The following DNAH5 variants were observed in gnomAD, a reference collection of about 807,000 sequenced individuals.
DNAH5 encodes the protein dynein axonemal heavy chain 5, also known as axonemal beta dynein heavy chain 5.
DNAH5 carries 372 observed loss-of-function variants against 518.2 expected under a neutral mutation model. The observed-to-expected ratio is 0.72, with a 90% CI of 0.66 to 0.78. DNAH5 has a LOEUF of 0.78. Ranked by LOEUF, DNAH5 falls within the 30% of genes least tolerant of loss-of-function variation. The pLI, the probability that DNAH5 is intolerant of heterozygous loss-of-function variation, is 0.00. For synonymous variants in DNAH5, 2,039 were observed against 2,025.9 expected (o/e 1.01, Z -0.17); for missense variants, 5,523 against 5,687.0 (o/e 0.97, Z 0.93).
Position 13,991,683 on chromosome 5 carries a change from G to A in DNAH5, c.12+19965C>T, listed in dbSNP as rs564081044. Among the ~76,000 whole-genome samples the A allele has an allele frequency of 7.2e-5, 11 of 152,208 alleles. No individual in the cohort carries two copies. In the East Asian group the frequency reaches 7.7e-4, roughly 11 times the overall value. ...GGAGTCATGGAGAAACGAGGGAGGC[G>A]TGAAGACAGAACAGAGGTGTGAGGG... On this transcript the variant is annotated intron_variant, in intron 1 of 78. Transcript: ENST00000681290.
At position 13,721,075 on chromosome 5, in the gene DNAH5, T is replaced by A; in HGVS notation, c.12204A>T (p.Ile4068=). The change falls in exon 71 of 79, where the codon ATA becomes ATT. Residue 4068 remains isoleucine (I), a synonymous_variant. Transcript: ENST00000265104. ...GGCCCATGGACACATAACGGGTTTC[T>A]ATTTTTAATCTCTTCCCCAAGGCAA... The part of the protein sequence containing the change: ...SIIALGKRLK[I]ETRYVSMGQG... The A allele has an allele frequency of 6.2e-7, 1 of 1,614,194 alleles. No individual in the cohort carries two copies.
chr5:13,990,921 T>G (rs749850565), intron 1 of DNAH5, among the ~76,000 whole-genome samples: 4 of 152,132 alleles, frequency 2.6e-5, no homozygotes, highest in Non-Finnish European at 5.9e-5. Context: ...CATTGAAATA[T>G]TTAACCCTAA....
intron 53 of DNAH5, among the ~76,000 whole-genome samples, chr5:13,778,478 AGAAG>A (rs146599533): frequency 0.37 from 32,239 of 87,096 alleles, 6,600 homozygotes; most frequent in South Asian, 0.49. Context: ...AAGGAAGGAA[AGAAG>A]GAAGGAAGGA....
intron 35 of DNAH5, among the ~76,000 whole-genome samples, chr5:13,838,613 C>T (rs915308970): frequency 6.6e-6 from 1 of 152,192 alleles, no homozygotes; most frequent in Admixed American, 6.5e-5. Context: ...CAGAAAAACA[C>T]ACTCGGGGCT....
At chr5:13,897,847 G>A (rs143674534) in intron 15 of DNAH5, 1 of 152,262 alleles carries the variant, frequency 6.6e-6, no homozygotes, top group African/African-American at 2.4e-5. Flanking sequence ...TTGAATCTGG[G>A]TAGGTTTACA....
intron 47 of DNAH5, among the ~76,000 whole-genome samples, chr5:13,800,070 G>A (rs2126952506): frequency 6.6e-6 from 1 of 152,240 alleles, no homozygotes. Flanking sequence ...AAAGCAGGAG[G>A]GTGCTGGGAG....
At chr5:13,991,491 G>A (rs1783536905) in intron 1 of DNAH5, among the ~76,000 whole-genome samples, 1 of 145,112 alleles carries the variant, frequency 6.9e-6, no homozygotes, top group South Asian at 2.4e-4. Flanking sequence ...GTGGAAGGAG[G>A]AGGAGGAACA....
intron 5 of DNAH5, among the ~76,000 whole-genome samples, chr5:13,921,009 C>T (rs1302347141): frequency 1.3e-5 from 2 of 152,012 alleles, no homozygotes; most frequent in Non-Finnish European, 2.9e-5. Flanking sequence ...AAAATGTTTG[C>T]TTTATTCATG....
Position 13,810,246 on chromosome 5 carries a change from C to A in DNAH5, c.7422G>T (p.Glu2474Asp). 1 of 1,550,574 alleles carries A rather than the reference C, an allele frequency of 6.4e-7. No individual in the cohort carries two copies. Among genetic ancestry groups the A allele is most frequent in the South Asian group, 1.2e-5 (1 of 84,096 alleles). ...GLIPLKEQGG[E>D]VSQAHLGRLF... ...GCCGCCCCAGGTGAGCCTGGCTCACCTCCCCGCCTTGCTCCTGAGAAGGAA... is the reference window on the plus strand; with the variant it reads ...GCCGCCCCAGGTGAGCCTGGCTCACATCCCCGCCTTGCTCCTGAGAAGGAA... The change falls in exon 45 of 79, where the codon GAG becomes GAT. Residue 2474 changes from glutamate (E) to aspartate (D), a missense_variant. By Grantham distance (45) the Glu-to-Asp change is conservative. Coordinates refer to ENST00000265104, the MANE Select transcript of DNAH5 (RefSeq NM_001369.3).
chr5:13,800,067 G>A (rs1309749534), intron 47 of DNAH5, among the ~76,000 whole-genome samples: 2 of 152,176 alleles, frequency 1.3e-5, no homozygotes, highest in South Asian at 4.1e-4. Flanking sequence ...ATGAAAGCAG[G>A]AGGGTGCTGG....
chr5:13,911,118 T>C (rs1217845788), intron 12 of DNAH5, among the ~76,000 whole-genome samples: 1 of 152,224 alleles, frequency 6.6e-6, no homozygotes, highest in East Asian at 1.9e-4. Context: ...CAACAGAAGA[T>C]GAAAGTTAAC....
chr5:13,797,201 G>A (rs778847016), intron 47 of DNAH5, among the ~76,000 whole-genome samples: 119 of 152,188 alleles, frequency 7.8e-4, no homozygotes, highest in Non-Finnish European at 1.2e-3. Context: ...ATAGACAAAC[G>A]GGATCTAATT....
rs760977534 is a variant in DNAH5, at chr5:13,735,084, C to A, written c.11761+47G>T. ...GTACTGCAAAGGGCTTTCACAATAACTCCTCCATCTGCACCTGTGCGCTAT... is the reference window on the plus strand; with the variant it reads ...GTACTGCAAAGGGCTTTCACAATAAATCCTCCATCTGCACCTGTGCGCTAT... On this transcript the variant is annotated intron_variant, in intron 68 of 78. Coordinates refer to ENST00000265104, the MANE Select transcript of DNAH5 (RefSeq NM_001369.3). 4.4e-6 allele frequency: 7 copies of A among 1,581,344 alleles called. No individual in the cohort carries two copies. The East Asian group carries it at 1.3e-4, about 30-fold the overall frequency.
In DNAH5 at chr5:13,814,940, A is replaced by C. The variant is rs6890413; in HGVS notation, c.6989-94T>G. 0.22 allele frequency: 258,560 copies of C among 1,149,258 alleles called. 32,567 individuals are homozygous for C. The highest frequency in any genetic ancestry group is 0.5 in the East Asian group (19,552 of 39,194). 71.2% of individuals were successfully genotyped at this position (1,149,258 alleles called of 1,614,324 possible). A position where few individuals can be genotyped will look rare whatever the true frequency, so the allele number is the denominator to read the frequency against. ...AAATAGCTTGAAGAACTATTATATT[A>C]GATGTAATTTTCATTAATTTTTAAA... On this transcript the variant is annotated intron_variant, in intron 42 of 78. Coordinates refer to ENST00000265104, the MANE Select transcript of DNAH5 (RefSeq NM_001369.3).
intron 1 of DNAH5, among the ~76,000 whole-genome samples, chr5:13,934,117 G>A (rs1428433342): frequency 6.6e-6 from 1 of 152,148 alleles, no homozygotes; most frequent in Admixed American, 6.5e-5. Flanking sequence ...TAGTTCTTAA[G>A]AGATCTTCAC....
chr5:13,768,840 T>G, intron 58 of DNAH5, 120 bp downstream of exon 58: 1 of 1,168,464 alleles, frequency 8.6e-7, no homozygotes, highest in Non-Finnish European at 1.3e-6. Flanking sequence ...TTGAAATCAC[T>G]CAAGTGGATA....
intron 1 of DNAH5, among the ~76,000 whole-genome samples, chr5:13,970,118 T>C (rs1781773213): frequency 6.6e-6 from 1 of 152,234 alleles, no homozygotes; most frequent in Non-Finnish European, 1.5e-5. Context: ...CTATTCCTGC[T>C]CGCTTTTGGT....
chr5:13,937,731 G>A (rs921950160), intron 1 of DNAH5, among the ~76,000 whole-genome samples: 2 of 152,076 alleles, frequency 1.3e-5, no homozygotes, highest in Non-Finnish European at 2.9e-5. Context: ...TTGCACGTCT[G>A]AATCTGAGAA....
rs527743970 is a variant in DNAH5 at position 13,754,700 on chromosome 5, C to T, written c.10420-362G>A. Among the ~76,000 whole-genome samples, 17 of 152,050 alleles carry T rather than the reference C, an allele frequency of 1.1e-4. No individual in the cohort carries two copies. The East Asian group carries it at 1.6e-3, about 14-fold the overall frequency. ...ATTACAAGCATACGCCACCACACCC[C>T]GCTAATTTTGTATTTTTAGTAGAGA... On this transcript the variant is annotated intron_variant, in intron 61 of 78. Coordinates refer to ENST00000265104, the MANE Select transcript of DNAH5 (RefSeq NM_001369.3).
Sources: gnomAD v4.1 joint callset for allele counts (sites outside exome capture counted in the v4.1 genomes callset) on GRCh38, gnomAD v4.1.1 for gene constraint, MANE v1.5 for transcripts, NCBI Gene and HGNC (gene_info 2026-07-23, HGNC 2026-07-21) for gene names.